FHOD1: variants seen among roughly 807,000 people sequenced by gnomAD.
FHOD1 encodes the protein formin homology 2 domain containing 1.
A neutral mutation model predicts 111.6 loss-of-function variants in FHOD1; 89 were observed. The observed-to-expected ratio is 0.80, with a 90% CI of 0.67 to 0.95. The LOEUF (loss-of-function observed/expected upper bound fraction) is 0.95. Among genes scored for constraint, FHOD1 ranks in the 40% least tolerant of loss-of-function variants. The pLI, the probability that FHOD1 is intolerant of heterozygous loss-of-function variation, is 0.00. For missense variants in FHOD1, 1,446 were observed against 1,554.2 expected (o/e 0.93, Z 1.17); for synonymous variants, 618 against 639.0 (o/e 0.97, Z 0.50).
Position 67,231,841 on chromosome 16 carries a change from G to A in FHOD1, c.2203-22C>T. On this transcript the variant is annotated intron_variant, in intron 14 of 21. Transcript: ENST00000258201. This position sits in a 1 kb window ranked among gnomAD's most constrained non-coding sequence, Gnocchi z 4.3. The stretch of plus-strand genomic sequence containing the variant: ...GCTTCTGAGGATGTAGCCAGAGCCT[G>A]ACATGGCCCCCTCAATGCAGGCCTG... 1 of 1,609,320 alleles carries A rather than the reference G, an allele frequency of 6.2e-7. No homozygotes were observed.
At chr16:67,236,354 A>G (rs970596161) in intron 11 of FHOD1, 1 of 1,426,054 alleles carries the variant, frequency 7.0e-7, no homozygotes, top group African/African-American at 1.4e-5. Context: ...GACAAAGGAA[A>G]CCACAGGAGG....
At chr16:67,241,066 C>G (rs1252017683) in intron 1 of FHOD1, among the ~76,000 whole-genome samples, 1 of 151,674 alleles carries the variant, frequency 6.6e-6, no homozygotes, top group Non-Finnish European at 1.5e-5. Context: ...TGCCTCAGAG[C>G]CTGACCTGGC....
Position 67,231,533 on chromosome 16 carries a change from A to G in FHOD1, c.2402T>C (p.Leu801Pro). 1.9e-6 allele frequency: 3 copies of G among 1,614,192 alleles called. No homozygotes were observed. Among genetic ancestry groups the G allele is most frequent in the Non-Finnish European group, 2.5e-6 (3 of 1,180,042 alleles). The change falls in exon 16 of 22, where the codon CTG becomes CCG. Residue 801 changes from leucine to proline, a missense_variant. This residue lies in a region of FHOD1 where 1,085 missense variants were observed against 1,108.8 expected (regional missense o/e 0.98). Transcript: ENST00000258201. This position sits in a 1 kb window ranked among gnomAD's most constrained non-coding sequence, Gnocchi z 4.3. ...TTCCATACCCACTTTCAGGTCAAAC[A>G]GTGGCTCAGCAATTTCCTGGTATGG... ...DSMEREIAEPLFDLKVGMEQL... is the reference protein window; with the variant it reads ...DSMEREIAEPPFDLKVGMEQL...
In FHOD1 at chr16:67,234,489, G is replaced by A. The variant is rs2034408025; in HGVS notation, c.1320-17C>T. 6.4e-7 allele frequency: 1 copy of A among 1,558,976 alleles called. No homozygotes were observed. The highest frequency in any genetic ancestry group is 1.2e-5 in the South Asian group (1 of 85,584). ...AACCGGGCTCTGAGGGAAGGTGCTT[G>A]TCACTGACAGCGTCTGACACACCCC... is the stretch of plus-strand genomic sequence containing the variant. On this transcript the variant is annotated splice_polypyrimidine_tract_variant and intron_variant, in intron 11 of 21. Transcript: ENST00000258201.
intron 1 of FHOD1, among the ~76,000 whole-genome samples, chr16:67,241,822 G>C (rs2034676250): frequency 6.6e-6 from 1 of 152,200 alleles, no homozygotes; most frequent in Non-Finnish European, 1.5e-5. Context: ...GGCCAACACA[G>C]GCTGAAGCAG....
intron 11 of FHOD1, chr16:67,234,792 G>A (rs2034421658): frequency 6.6e-6 from 2 of 301,484 alleles, no homozygotes; most frequent in South Asian, 4.7e-5. Flanking sequence ...TAGAGACAGG[G>A]TCTCACTCTG....
Position 67,231,630 on chromosome 16 carries a change from C to T in FHOD1, c.2385+7G>A. On this transcript the variant is annotated splice_region_variant and intron_variant, in intron 15 of 21. Coordinates refer to ENST00000258201, the MANE Select transcript of FHOD1 (RefSeq NM_013241.3). This position sits in a 1 kb window ranked among gnomAD's most constrained non-coding sequence, Gnocchi z 4.3. The stretch of plus-strand genomic sequence containing the variant: ...CTACTGACTGTCCCACTCCAAGACC[C>T]AGGTACCCGCTCCATGCTGTCATAG... 2 of 1,614,100 alleles carry T rather than the reference C, an allele frequency of 1.2e-6. No homozygotes were observed. The highest frequency in any genetic ancestry group is 1.7e-6 in the Non-Finnish European group (2 of 1,179,974).
At chr16:67,243,986 C>T (rs1362107894) in intron 1 of FHOD1, among the ~76,000 whole-genome samples, 1 of 152,192 alleles carries the variant, frequency 6.6e-6, no homozygotes, top group Non-Finnish European at 1.5e-5. Context: ...TTTCTACAGT[C>T]TCCCAAAGGC....
chr16:67,229,651 A>G lies in FHOD1; in HGVS notation c.3480T>C (p.Pro1160=). The G allele has an allele frequency of 6.2e-7, 1 of 1,614,146 alleles. No individual in the cohort carries two copies. Among genetic ancestry groups the G allele is most frequent in the Non-Finnish European group, 8.5e-7 (1 of 1,179,998 alleles). The change falls in exon 22 of 22, where the codon CCT becomes CCC. Residue 1160 remains proline, a synonymous_variant. Coordinates refer to ENST00000258201, the MANE Select transcript of FHOD1 (RefSeq NM_013241.3). ...TACAGCACCTTCACACCTCCAGGCC[A>G]GGACCCTTGCTTAGTCCCAGTGCCT... The part of the protein sequence containing the change: ...LVQALGLSKG[P]GLEV
rs1277711668 is a variant in FHOD1 at position 67,238,371 on chromosome 16, G to A, written c.441+9C>T. ...ACACACTTACCCCCAGCCCACTGCGGGGCCTCACCTGGAAGATCTGCTTCA... is the reference window on the plus strand; with the variant it reads ...ACACACTTACCCCCAGCCCACTGCGAGGCCTCACCTGGAAGATCTGCTTCA... On this transcript the variant is annotated intron_variant, in intron 4 of 21. Coordinates refer to ENST00000258201, the MANE Select transcript of FHOD1 (RefSeq NM_013241.3). This position sits in a 1 kb window ranked among gnomAD's most constrained non-coding sequence, Gnocchi z 4.2. 6.2e-7 allele frequency: 1 copy of A among 1,614,104 alleles called. No individual in the cohort carries two copies. The highest frequency in any genetic ancestry group is 8.5e-7 in the Non-Finnish European group (1 of 1,180,018).
At chr16:67,236,931 T>G (rs776418370) in intron 10 of FHOD1, 35 bp downstream of exon 10, 39 of 1,444,526 alleles carry the variant, frequency 2.7e-5, no homozygotes, top group Admixed American at 4.1e-5. Context: ...GCCTAGTAGA[T>G]CCACCCTTTC....
At position 67,247,320 on chromosome 16, in the gene FHOD1, A is replaced by T. The variant is rs755488635; in HGVS notation, c.91T>A (p.Cys31Ser). ...QYLEDTDPFA[C>S]ANFPEPRRAP... Reference sequence around the variant, plus strand: ...CGGCGCGGCTCCGGAAAGTTGGCACATGCGAAGGGGTCGGTGTCTTCCAGG... The same window carrying T: ...CGGCGCGGCTCCGGAAAGTTGGCACTTGCGAAGGGGTCGGTGTCTTCCAGG... Residue 31 changes from cysteine (C) to serine (S), a missense_variant, in exon 1 of 22, where the codon TGT becomes AGT. Coordinates refer to ENST00000258201, the MANE Select transcript of FHOD1 (RefSeq NM_013241.3). The T allele has an allele frequency of 1.4e-5, 22 of 1,613,490 alleles. No individual in the cohort carries two copies. The highest frequency in any genetic ancestry group is 1.7e-5 in the Non-Finnish European group (20 of 1,179,824).
At position 67,233,956 on chromosome 16, in the gene FHOD1, G is replaced by GA; in HGVS notation, c.1746_1747insT (p.Pro583SerfsTer34). On this transcript the variant is annotated frameshift_variant, in exon 13 of 22. Coordinates refer to ENST00000258201, the MANE Select transcript of FHOD1 (RefSeq NM_013241.3). LOFTEE classifies it high-confidence loss of function. ...GGAGGTGGAAGTGGGGGAGGGGGGG[G>GA]TACTCCCGAGAGCAGGGGCAGTGGG... 4.4e-6 allele frequency: 5 copies of GA among 1,125,406 alleles called. No homozygotes were observed. Among genetic ancestry groups the GA allele is most frequent in the Non-Finnish European group, 6.3e-6 (5 of 794,740 alleles). The allele number at this position is 1,125,406 out of a possible 1,614,324, so 69.7% of individuals were successfully genotyped here. A position where few individuals can be genotyped will look rare whatever the true frequency, so the allele number is the denominator to read the frequency against.
chr16:67,237,881 T>G lies in FHOD1; in HGVS notation c.643-113A>C, dbSNP rs2034550349. 14 of 1,326,694 alleles carry G rather than the reference T, an allele frequency of 1.1e-5. No homozygotes were observed. The South Asian group carries it at 1.7e-4, about 16-fold the overall frequency. The allele number at this position is 1,326,694 out of a possible 1,614,324, so 82.2% of individuals were successfully genotyped here. ...GGACCCAGAGAGAATCTAGGCAGAATGACCCTGGCCCCAGGCCCAGGCACT... is the reference window on the plus strand; with the variant it reads ...GGACCCAGAGAGAATCTAGGCAGAAGGACCCTGGCCCCAGGCCCAGGCACT... On this transcript the variant is annotated intron_variant, in intron 6 of 21. Coordinates refer to ENST00000258201, the MANE Select transcript of FHOD1 (RefSeq NM_013241.3). The surrounding 1 kb of genome is among the most constrained non-coding windows in gnomAD (Gnocchi z 5.6).
intron 2 of FHOD1, 50 bp from the exon 3 acceptor site, chr16:67,239,017 C>T: frequency 6.3e-7 from 1 of 1,585,968 alleles, no homozygotes; most frequent in Non-Finnish European, 8.7e-7. Context: ...CCTCAGCATT[C>T]CTCCCCACAA....
chr16:67,243,572 A>G (rs907303337), intron 1 of FHOD1, among the ~76,000 whole-genome samples: 2 of 152,060 alleles, frequency 1.3e-5, no homozygotes, highest in African/African-American at 2.4e-5. Flanking sequence ...GGAAACCAAG[A>G]ATCAGAAAAT....
At chr16:67,244,112 G>C (rs2142306985) in intron 1 of FHOD1, among the ~76,000 whole-genome samples, 1 of 152,284 alleles carries the variant, frequency 6.6e-6, no homozygotes, top group South Asian at 2.1e-4. Context: ...AAAGTTGCTA[G>C]TAATGACCAG....
intron 11 of FHOD1, chr16:67,236,027 C>G: frequency 1.0e-6 from 1 of 984,878 alleles, no homozygotes; most frequent in South Asian, 4.7e-5. Flanking sequence ...CCAGCCTGGC[C>G]TGCCCAGGAG....
rs2034252181 is a variant in FHOD1 at position 67,231,154 on chromosome 16, TG to T, written c.2667+33del. 1 of 1,610,830 alleles carries T rather than the reference TG, an allele frequency of 6.2e-7. No homozygotes were observed. The highest frequency in any genetic ancestry group is 1.3e-5 in the African/African-American group (1 of 74,894). ...CCAGGAAGCAGCGCTCCTCATGCCT[TG>T]TCCGGCCTTGGTTGATTCTGGCAGG... is the stretch of plus-strand genomic sequence containing the variant. On this transcript the variant is annotated intron_variant, in intron 17 of 21. Transcript: ENST00000258201. The surrounding 1 kb of genome is among the most constrained non-coding windows in gnomAD (Gnocchi z 4.3).
Sources: gnomAD v4.1 joint callset for allele counts (sites outside exome capture counted in the v4.1 genomes callset) on GRCh38, gnomAD v4.1.1 for gene constraint, gnomAD v4.1.1 regional missense constraint, Gnocchi (gnomAD v3.1) non-coding constraint, MANE v1.5 for transcripts, NCBI Gene and HGNC (gene_info 2026-07-23, HGNC 2026-07-21) for gene names.